Variants in ABCA13 observed in about 807,000 individuals in gnomAD.
The protein encoded by ABCA13 is ATP binding cassette subfamily A member 13.
Under a neutral mutation model 478.7 loss-of-function variants are expected in ABCA13, and 476 were observed. The ratio of observed to expected loss-of-function variants is 0.99; its 90% confidence interval spans 0.92 to 1.07. The LOEUF is 1.07. Ranked by LOEUF, ABCA13 falls within the 50% of genes least tolerant of loss-of-function variation. The pLI, the probability that ABCA13 is intolerant of heterozygous loss-of-function variation, is 0.00. For missense variants in ABCA13, 6,060 were observed against 5,910.6 expected, an observed-to-expected ratio of 1.03 and a Z score of -0.83; for synonymous variants, 2,252 against 2,158.9, an observed-to-expected ratio of 1.04 and a Z score of -1.20.
chr7:48,322,016 C>T (rs1404411692), intron 27 of ABCA13, among the ~76,000 whole-genome samples: 1 of 152,242 alleles, frequency 6.6e-6, no homozygotes, highest in African/African-American at 2.4e-5. Context: ...GAGCCACTGT[C>T]AGCAGGCAAT....
At chr7:48,437,362 C>T (rs1420423521) in intron 42 of ABCA13, among the ~76,000 whole-genome samples, 1 of 152,082 alleles carries the variant, frequency 6.6e-6, no homozygotes, top group Non-Finnish European at 1.5e-5. Context: ...TTACTATTTG[C>T]ATGAAATGGC....
chr7:48,485,213 G>T (rs1185379196), intron 47 of ABCA13, among the ~76,000 whole-genome samples: 1 of 151,618 alleles, frequency 6.6e-6, no homozygotes, highest in Non-Finnish European at 1.5e-5. Context: ...TTATATATTT[G>T]AATATCCACT....
At chr7:48,572,007 A>G (rs909241430) in intron 55 of ABCA13, among the ~76,000 whole-genome samples, 14 of 152,058 alleles carry the variant, frequency 9.2e-5, no homozygotes, top group Non-Finnish European at 1.9e-4. Context: ...GCAAAACCCC[A>G]TCTCTACTAA....
At chr7:48,533,443 A>G (rs927770036) in intron 55 of ABCA13, among the ~76,000 whole-genome samples, 1 of 152,100 alleles carries the variant, frequency 6.6e-6, no homozygotes, top group African/African-American at 2.4e-5. Flanking sequence ...AGAATGTTCC[A>G]TGTGCTAATG....
chr7:48,422,777 A>G (rs1014801787), intron 41 of ABCA13, among the ~76,000 whole-genome samples: 1 of 152,166 alleles, frequency 6.6e-6, no homozygotes, highest in Non-Finnish European at 1.5e-5. Context: ...AGATATCCCA[A>G]ATTATCTGGG....
At chr7:48,300,027 C>T (rs1356240252) in intron 23 of ABCA13, among the ~76,000 whole-genome samples, 5 of 152,172 alleles carry the variant, frequency 3.3e-5, no homozygotes, top group African/African-American at 7.2e-5. Context: ...TTAAGTATAT[C>T]CATAAATGCA....
At chr7:48,388,944 A>T in intron 36 of ABCA13, 96 bp from the exon 37 acceptor site, 1 of 1,410,140 alleles carries the variant, frequency 7.1e-7, no homozygotes, top group Non-Finnish European at 9.8e-7. Context: ...CAGAGCTGGA[A>T]TTCAATTTCA....
rs142688504 is a variant in ABCA13, at chr7:48,401,085, GA to G, written c.11874-2595del. Among the ~76,000 whole-genome samples, 1,458 of 152,298 alleles carry G rather than the reference GA, an allele frequency of 9.6e-3. 20 individuals are homozygous for G. The highest frequency in any genetic ancestry group is 0.034 in the African/African-American group (1,393 of 41,554). On this transcript the variant is annotated intron_variant, in intron 38 of 61. Coordinates refer to ENST00000435803, the MANE Select transcript of ABCA13 (RefSeq NM_152701.5). ...TGGTTAAATGCAGTTCTTCCACTTA[GA>G]AAGCTTTTAACAATATATGCTATCT... is the stretch of plus-strand genomic sequence containing the variant.
chr7:48,517,106 T>A (rs1193846446), intron 52 of ABCA13, among the ~76,000 whole-genome samples: 13 of 152,224 alleles, frequency 8.5e-5, no homozygotes, highest in African/African-American at 3.1e-4. Context: ...AAAAATGTTC[T>A]GTTTCGGCCA....
At chr7:48,206,936 C>T (rs1393894241) in intron 3 of ABCA13, among the ~76,000 whole-genome samples, 5 of 152,218 alleles carry the variant, frequency 3.3e-5, no homozygotes, top group Non-Finnish European at 5.9e-5. Flanking sequence ...CTTTTGTACC[C>T]GTTACTTATC....
intron 7 of ABCA13, among the ~76,000 whole-genome samples, 177 bp downstream of exon 7, chr7:48,230,132 G>A (rs754523019): frequency 5.3e-4 from 80 of 152,158 alleles, no homozygotes; most frequent in Non-Finnish European, 9.7e-4. Context: ...TTTTGAACTC[G>A]AAACTGAATT....
intron 27 of ABCA13, among the ~76,000 whole-genome samples, chr7:48,327,343 G>C (rs1419858476): frequency 6.6e-6 from 1 of 152,080 alleles, no homozygotes; most frequent in African/African-American, 2.4e-5. Context: ...AATAGCATGG[G>C]GAAACTGCCC....
At position 48,465,012 on chromosome 7, in the gene ABCA13, G is replaced by A. The variant is rs544736834; in HGVS notation, c.12816-1944G>A. Among the ~76,000 whole-genome samples, 16 of 152,238 alleles carry A rather than the reference G, an allele frequency of 1.1e-4. 1 individual carries two copies. In the South Asian group the frequency reaches 3.3e-3, roughly 32 times the overall value. Reference sequence around the variant, plus strand: ...AGGATATTGGAGATACCGAGACAGAGGGATCAGCACCCTCAAAAGCAGATC... The same window carrying A: ...AGGATATTGGAGATACCGAGACAGAAGGATCAGCACCCTCAAAAGCAGATC... On this transcript the variant is annotated intron_variant, in intron 43 of 61. Coordinates refer to ENST00000435803, the MANE Select transcript of ABCA13 (RefSeq NM_152701.5).
intron 50 of ABCA13, among the ~76,000 whole-genome samples, chr7:48,509,324 C>G (rs1011189635): frequency 6.6e-6 from 1 of 152,124 alleles, no homozygotes; most frequent in Non-Finnish European, 1.5e-5. Flanking sequence ...GTTCCCTGTG[C>G]TACACACTGC....
intron 6 of ABCA13, 79 bp from the exon 7 acceptor site, chr7:48,229,746 T>C (rs1258649454): frequency 6.5e-7 from 1 of 1,548,374 alleles, no homozygotes. Flanking sequence ...GTCCATGGGA[T>C]GTAAGTAAAC....
chr7:48,272,464 T>G lies in ABCA13; in HGVS notation c.2798T>G (p.Leu933Arg). 3 of 1,613,764 alleles carry G rather than the reference T, an allele frequency of 1.9e-6. No individual in the cohort carries two copies. The highest frequency in any genetic ancestry group is 2.5e-6 in the Non-Finnish European group (3 of 1,179,750). Residue 933 changes from leucine to arginine, a missense_variant, in exon 17 of 62, where the codon CTT (leucine) becomes CGT (arginine). Transcript: ENST00000435803. ...AATGCATCTGATCTTTTCTCAGCCC[T>G]TTCTGAACCACAAAAACAAGAAGTT... ...IRNASDLFSALSEPQKQEVDK... is the reference protein window; with the variant it reads ...IRNASDLFSARSEPQKQEVDK...
chr7:48,487,266 T>G (rs187003799), intron 47 of ABCA13, among the ~76,000 whole-genome samples: 1 of 149,872 alleles, frequency 6.7e-6, no homozygotes, highest in East Asian at 2.0e-4. Flanking sequence ...GCTGAGATCA[T>G]GCCATTGCAT....
chr7:48,596,958 C>CT lies in ABCA13; in HGVS notation c.14744+2156dup, dbSNP rs538438745. Reference sequence around the variant, plus strand: ...TCTCTTTTTTTTATTTATCATAACACTTTTTTTTTTTGAGACAGAGTCTTG... The same window carrying CT: ...TCTCTTTTTTTTATTTATCATAACACTTTTTTTTTTTTGAGACAGAGTCTTG... On this transcript the variant is annotated intron_variant, in intron 58 of 61. Coordinates refer to ENST00000435803, the MANE Select transcript of ABCA13 (RefSeq NM_152701.5). 9.3e-3 allele frequency among the ~76,000 whole-genome samples: 1,357 copies of CT among 146,650 alleles called. 7 individuals are homozygous for CT. Among genetic ancestry groups the CT allele is most frequent in the South Asian group, 0.029 (132 of 4,616 alleles).
intron 20 of ABCA13, among the ~76,000 whole-genome samples, chr7:48,293,236 T>TG (rs1247980394): frequency 7.1e-6 from 1 of 139,970 alleles, no homozygotes; most frequent in African/African-American, 2.6e-5. Context: ...TCAGCTCTGC[T>TG]GGGGGGCTCC....
Sources: allele counts gnomAD v4.1 joint callset (sites outside exome capture counted in the v4.1 genomes callset), GRCh38; gene constraint gnomAD v4.1.1; transcripts MANE v1.5; gene names NCBI Gene and HGNC (gene_info 2026-07-23, HGNC 2026-07-21).